The following SAMD5 variants were observed in gnomAD, a reference collection of about 807,000 sequenced individuals.
SAMD5 encodes sterile alpha motif domain containing 5.
In SAMD5, 13 loss-of-function variants were observed where a neutral mutation model predicts 11.3. That is an observed-to-expected ratio of 1.15 (90% CI 0.75 to 1.83). The LOEUF is 1.83. Ranked by LOEUF, SAMD5 falls within the 40% of genes most tolerant of loss-of-function variation. The pLI is 0.00. For synonymous variants in SAMD5, 129 were observed against 111.3 expected (o/e 1.16, Z -1.00); for missense variants, 255 against 239.1 (o/e 1.07, Z -0.44).
chr6:147,772,963 ACTGAGG>A, the SAMD5 span, among the ~76,000 whole-genome samples: 1 of 152,160 alleles, frequency 6.6e-6, no homozygotes, highest in Non-Finnish European at 1.5e-5. Flanking sequence ...GTTTTGATCC[ACTGAGG>A]GTGGAACGAC....
chr6:147,746,221 T>G, the SAMD5 span, among the ~76,000 whole-genome samples: 1 of 152,202 alleles, frequency 6.6e-6, no homozygotes, highest in Admixed American at 6.5e-5. Context: ...TGTTTAGAAC[T>G]GTGTCTTTCA....
chr6:147,837,857 A>G, the SAMD5 span, among the ~76,000 whole-genome samples: 1 of 152,280 alleles, frequency 6.6e-6, no homozygotes, highest in Non-Finnish European at 1.5e-5. Context: ...CTCGACTCAA[A>G]CGGTGAGTCA....
chr6:147,509,094 C>T lies in SAMD5; in HGVS notation c.166C>T (p.Leu56=). The T allele has an allele frequency of 6.3e-7, 1 of 1,593,766 alleles. No individual in the cohort carries two copies. The highest frequency in any genetic ancestry group is 8.5e-7 in the Non-Finnish European group (1 of 1,171,608). ...GGCGCCCGCGCACCGCCGCCGTATC[C>T]TGGAGGCCGTGCGCCGGCTGCGGGA... The part of the protein sequence containing the change: ...VLAPAHRRRI[L]EAVRRLREQD... Residue 56 remains leucine, a synonymous_variant, in exon 1 of 2, where the codon CTG becomes TTG. Coordinates refer to ENST00000367474, the MANE Select transcript of SAMD5 (RefSeq NM_001030060.3).
intron 1 of SAMD5, among the ~76,000 whole-genome samples, chr6:147,604,577 G>C (rs139017172): frequency 6.6e-6 from 1 of 152,180 alleles, no homozygotes; most frequent in Non-Finnish European, 1.5e-5. Context: ...TTCAATTCTG[G>C]TTTTCAAGAA....
At chr6:147,861,372 G>A in the SAMD5 span, among the ~76,000 whole-genome samples, 9 of 136,242 alleles carry the variant, frequency 6.6e-5, no homozygotes, top group Admixed American at 1.5e-4. Flanking sequence ...CACCATATTC[G>A]CCAGGCTAGT....
chr6:147,796,612 T>G, the SAMD5 span, among the ~76,000 whole-genome samples: 1 of 152,200 alleles, frequency 6.6e-6, no homozygotes, highest in African/African-American at 2.4e-5. Flanking sequence ...AGAAAGTCAT[T>G]GGTAGCTTGA....
the SAMD5 span, among the ~76,000 whole-genome samples, chr6:147,788,607 G>A: frequency 1.3e-5 from 2 of 152,196 alleles, no homozygotes; most frequent in South Asian, 4.1e-4. Flanking sequence ...CCGAGTCAAT[G>A]TAGCCACTTC....
chr6:147,900,846 C>T, the SAMD5 span, among the ~76,000 whole-genome samples: 3 of 152,038 alleles, frequency 2.0e-5, no homozygotes, highest in Non-Finnish European at 2.9e-5. Context: ...CCTGTCCTTT[C>T]GGTAGTTATT....
chr6:147,871,474 T>C, the SAMD5 span, among the ~76,000 whole-genome samples: 13 of 152,226 alleles, frequency 8.5e-5, no homozygotes, highest in Non-Finnish European at 1.5e-4. Context: ...AAGACAAATC[T>C]CTAAAATGTA....
chr6:147,643,799 G>C (rs3891107), intron 1 of SAMD5, among the ~76,000 whole-genome samples: 1 of 91,346 alleles, frequency 1.1e-5, no homozygotes, highest in South Asian at 4.0e-4. Context: ...GAAGGAAAGA[G>C]AGAGAGAGAG....
rs1367372730 is a variant in SAMD5 at position 147,631,143 on chromosome 6, G to A, written c.163-106174G>A. 5.9e-5 allele frequency among the ~76,000 whole-genome samples: 9 copies of A among 152,206 alleles called. No homozygotes were observed. In the South Asian group the frequency reaches 1.0e-3, roughly 18 times the overall value. ...AGATTAAGCTGAAGGAAGATTTTGT[G>A]GTAAGGGGTGATATTGTGGGGTTGT... On this transcript the variant is annotated intron_variant, in intron 1 of 1. Transcript: ENST00000566741.
the SAMD5 span, among the ~76,000 whole-genome samples, chr6:147,767,557 G>T: frequency 6.7e-6 from 1 of 149,470 alleles, no homozygotes; most frequent in Non-Finnish European, 1.5e-5. Flanking sequence ...GAGTTTGTCG[G>T]GGTGGGGATC....
chr6:147,644,638 T>C (rs1185550973), intron 1 of SAMD5, among the ~76,000 whole-genome samples: 3 of 152,224 alleles, frequency 2.0e-5, no homozygotes, highest in African/African-American at 7.2e-5. Context: ...TTCTTAATTT[T>C]TTGGAGAAAT....
the SAMD5 span, among the ~76,000 whole-genome samples, chr6:147,911,078 G>A: frequency 6.6e-6 from 1 of 152,166 alleles, no homozygotes; most frequent in African/African-American, 2.4e-5. Context: ...TTACCTCTGG[G>A]CAAAATGATT....
chr6:147,909,604 C>CTT, the SAMD5 span, among the ~76,000 whole-genome samples: 2 of 76,384 alleles, frequency 2.6e-5, 1 homozygote, highest in African/African-American at 1.2e-4. Flanking sequence ...TTCTTTCTTT[C>CTT]TTTCTTTCTT....
chr6:147,772,722 A>C, the SAMD5 span, among the ~76,000 whole-genome samples: 5 of 152,152 alleles, frequency 3.3e-5, no homozygotes, highest in Admixed American at 1.3e-4. Context: ...TTACATGGAC[A>C]CTAGTCAGAT....
chr6:147,525,184 CCT>C (rs539395806), intron 1 of SAMD5, among the ~76,000 whole-genome samples: 122 of 150,764 alleles, frequency 8.1e-4, no homozygotes, highest in African/African-American at 2.9e-3. Flanking sequence ...CCGCCTGTGC[CCT>C]CAAGAACTTA....
the SAMD5 span, among the ~76,000 whole-genome samples, chr6:147,939,822 T>A: frequency 4.0e-4 from 49 of 123,334 alleles, no homozygotes; most frequent in East Asian, 1.6e-3. Context: ...TTTTTTTTTT[T>A]TAATTTTTTA....
At chr6:147,664,132 C>A (rs1264021816) in intron 1 of SAMD5, among the ~76,000 whole-genome samples, 2 of 152,160 alleles carry the variant, frequency 1.3e-5, no homozygotes, top group Non-Finnish European at 2.9e-5. Flanking sequence ...CCCCATTCAG[C>A]CTGTATCATC....
Sources: gnomAD v4.1 joint callset for allele counts (sites outside exome capture counted in the v4.1 genomes callset) on GRCh38, gnomAD v4.1.1 for gene constraint, MANE v1.5 for transcripts, NCBI Gene and HGNC (gene_info 2026-07-23, HGNC 2026-07-21) for gene names.